SOX13: variants seen among roughly 807,000 people sequenced by gnomAD.
SOX13 encodes the protein SRY-box transcription factor 13, also known as transcription factor SOX-13.
Under a neutral mutation model 71.8 loss-of-function variants are expected in SOX13, and 28 were observed. The observed-to-expected ratio is 0.39, with a 90% CI of 0.29 to 0.53. The LOEUF is 0.53. Among genes scored for constraint, SOX13 ranks in the 20% least tolerant of loss-of-function variants. The probability of loss-of-function intolerance (pLI) is 0.70; values close to 1 mark genes in which losing one functional copy is unlikely to be tolerated. For synonymous variants in SOX13, 309 were observed against 317.8 expected (o/e 0.97, Z 0.29); for missense variants, 627 against 810.3 (o/e 0.77, Z 2.75).
At position 204,122,354 on chromosome 1, in the gene SOX13, G is replaced by C; in HGVS notation, c.979G>C (p.Gly327Arg). 1 of 1,563,756 alleles carries C rather than the reference G, an allele frequency of 6.4e-7. No homozygotes were observed. The highest frequency in any genetic ancestry group is 8.7e-7 in the Non-Finnish European group (1 of 1,153,684). ...TGTGCCCCGCCCCCCCAGCCATGGAGGCCCCACGCGGGACCTGCAGTCCAG... is the reference window on the plus strand; with the variant it reads ...TGTGCCCCGCCCCCCCAGCCATGGACGCCCCACGCGGGACCTGCAGTCCAG... ...SCVPRPPSHG[G>R]PTRDLQSSPP... The change falls in exon 9 of 14, where the codon GGC becomes CGC. Residue 327 changes from glycine (G) to arginine (R), a missense_variant. Physicochemically the swap from Gly to Arg is moderately radical, Grantham distance 125. Coordinates refer to ENST00000367204, the MANE Select transcript of SOX13 (RefSeq NM_005686.3).
At position 204,121,803 on chromosome 1, in the gene SOX13, A is replaced by C. The variant is rs184575336; in HGVS notation, c.776-97A>C. On this transcript the variant is annotated intron_variant, in intron 7 of 13. Coordinates refer to ENST00000367204, the MANE Select transcript of SOX13 (RefSeq NM_005686.3). ...TTGGAACCAAGCTGGTCCAGTGCCG[A>C]GCCATTGCCCATCTTGTGGTGCTGG... The C allele has an allele frequency of 2.3e-4, 192 of 850,700 alleles. No homozygotes were observed. The African/African-American group carries it at 2.7e-3, about 12-fold the overall frequency. The allele number at this position is 850,700 out of a possible 1,614,324, so 52.7% of individuals were successfully genotyped here.
chr1:204,087,200 G>A (rs979923788), intron 1 of SOX13, among the ~76,000 whole-genome samples: 10 of 152,230 alleles, frequency 6.6e-5, no homozygotes, highest in Non-Finnish European at 4.4e-5. Flanking sequence ...GGGATTACAG[G>A]CGTGAGCCAC....
Position 204,123,938 on chromosome 1 carries a change from G to T in SOX13, c.1375+134G>T. ...GGAATCTGACGACAGGGGTGCAGGA[G>T]TTGCTGGGGATGTGAGGGCAGCTGG... is the stretch of plus-strand genomic sequence containing the variant. On this transcript the variant is annotated intron_variant, in intron 12 of 13. Coordinates refer to ENST00000367204, the MANE Select transcript of SOX13 (RefSeq NM_005686.3). This position sits in a 1 kb window ranked among gnomAD's most constrained non-coding sequence, Gnocchi z 5.0. The T allele has an allele frequency of 9.6e-7, 1 of 1,037,594 alleles. No individual in the cohort carries two copies. The highest frequency in any genetic ancestry group is 1.4e-6 in the Non-Finnish European group (1 of 717,648). 64.3% of individuals were successfully genotyped at this position (1,037,594 alleles called of 1,614,324 possible).
intron 7 of SOX13, among the ~76,000 whole-genome samples, chr1:204,121,048 C>T (rs931368914): frequency 4.0e-5 from 6 of 149,596 alleles, no homozygotes; most frequent in Non-Finnish European, 8.9e-5. Flanking sequence ...GGTGCAATCT[C>T]GACTCACTGC....
intron 1 of SOX13, among the ~76,000 whole-genome samples, chr1:204,107,771 G>C (rs1656500479): frequency 6.6e-6 from 1 of 152,210 alleles, no homozygotes; most frequent in Admixed American, 6.5e-5. Flanking sequence ...GCCTTTTCAT[G>C]GACAAGTGGG....
intron 1 of SOX13, among the ~76,000 whole-genome samples, chr1:204,111,181 G>A (rs1342704635): frequency 1.3e-5 from 2 of 152,196 alleles, no homozygotes; most frequent in Admixed American, 6.5e-5. Context: ...ACACCAGATC[G>A]GTGCTTACTG....
intron 1 of SOX13, 101 bp from the exon 2 acceptor site, chr1:204,112,814 G>A: frequency 1.2e-6 from 1 of 863,386 alleles, no homozygotes; most frequent in Non-Finnish European, 1.8e-6. Flanking sequence ...GGCACCAGGA[G>A]GCACTTGGGT....
intron 1 of SOX13, among the ~76,000 whole-genome samples, chr1:204,096,084 A>T (rs1440466335): frequency 6.6e-6 from 1 of 151,866 alleles, no homozygotes; most frequent in Non-Finnish European, 1.5e-5. Flanking sequence ...TGGACACTTG[A>T]GTTGTTTCCC....
At position 204,101,994 on chromosome 1, in the gene SOX13, C is replaced by T. The variant is rs1656369564; in HGVS notation, c.-1-10921C>T. On this transcript the variant is annotated intron_variant, in intron 1 of 13. Transcript: ENST00000367204. ...GGAGGGTCATTTGAGCCCAGGAGTT[C>T]AGGACCAGCCTGGGCAACATGGTGA... Among the ~76,000 whole-genome samples, 3 of 151,934 alleles carry T rather than the reference C, an allele frequency of 2.0e-5. No individual in the cohort carries two copies. In the South Asian group the frequency reaches 6.3e-4, roughly 32 times the overall value.
In SOX13 at chr1:204,123,011, C is replaced by A; in HGVS notation, c.1134+48C>A. 6.7e-7 allele frequency: 1 copy of A among 1,503,536 alleles called. No homozygotes were observed. Among genetic ancestry groups the A allele is most frequent in the Non-Finnish European group, 9.2e-7 (1 of 1,086,360 alleles). 93.1% of individuals were successfully genotyped at this position (1,503,536 alleles called of 1,614,324 possible). ...GCCTAGGGGCAGCAACAGATGGTGG[C>A]CAGGAGTGGAAGACACAGTCTGAGG... On this transcript the variant is annotated intron_variant, in intron 10 of 13. Coordinates refer to ENST00000367204, the MANE Select transcript of SOX13 (RefSeq NM_005686.3). The surrounding 1 kb of genome is among the most constrained non-coding windows in gnomAD (Gnocchi z 5.0).
In SOX13 at chr1:204,124,808, G is replaced by A. The variant is rs974990064; in HGVS notation, c.1543G>A (p.Ala515Thr). Residue 515 changes from alanine (A) to threonine (T), a missense_variant, in exon 13 of 14, where the codon GCC becomes ACC. Physicochemically the swap from Ala to Thr is moderately conservative, Grantham distance 58. This residue lies in a region of SOX13 where 148 missense variants were observed against 192.7 expected (regional missense o/e 0.77). Coordinates refer to ENST00000367204, the MANE Select transcript of SOX13 (RefSeq NM_005686.3). ...GCGGCTGCGCGTGGGAGAGTACAAG[G>A]CCCTGATGAGGACCCGGCGTCAGGA... ...GKRLRVGEYK[A>T]LMRTRRQDAR... 3.1e-6 allele frequency: 5 copies of A among 1,591,102 alleles called. No homozygotes were observed. The highest frequency in any genetic ancestry group is 3.4e-6 in the Non-Finnish European group (4 of 1,169,558).
At chr1:204,124,143 A>AAAAAAT (rs1656870622) in intron 12 of SOX13, among the ~76,000 whole-genome samples, 1 of 152,166 alleles carries the variant, frequency 6.6e-6, no homozygotes, top group African/African-American at 2.4e-5. Context: ...CTGGGCTGTC[A>AAAAAAT]CTAGAAAGAT....
At chr1:204,117,563 G>A (rs1420895028) in intron 6 of SOX13, 30 bp from the exon 7 acceptor site, 1 of 1,448,572 alleles carries the variant, frequency 6.9e-7, no homozygotes, top group Non-Finnish European at 9.6e-7. Context: ...TGGGTCCCTG[G>A]GGACTCACAC....
intron 1 of SOX13, among the ~76,000 whole-genome samples, chr1:204,112,501 G>GCACACACA (rs6143576): frequency 9.7e-4 from 56 of 57,922 alleles, no homozygotes; most frequent in African/African-American, 2.0e-3. Context: ...ACACATGCGT[G>GCACACACA]CACACACACA....
chr1:204,125,566 A>G (rs994873839), intron 13 of SOX13, among the ~76,000 whole-genome samples: 3 of 152,222 alleles, frequency 2.0e-5, no homozygotes, highest in Non-Finnish European at 4.4e-5. Context: ...CTGTCTCTAA[A>G]TATAAGTAAA....
At chr1:204,122,420 A>G (rs1192570186) in intron 9 of SOX13, 21 bp downstream of exon 9, 2 of 1,561,126 alleles carry the variant, frequency 1.3e-6, no homozygotes, top group South Asian at 2.4e-5. Context: ...TGCTGCCTGC[A>G]CTTGTCCCTC....
intron 1 of SOX13, among the ~76,000 whole-genome samples, chr1:204,084,148 C>A (rs914643642): frequency 6.6e-6 from 1 of 152,114 alleles, no homozygotes; most frequent in African/African-American, 2.4e-5. Context: ...AGCTCAGGGG[C>A]CTTATTCAGC....
Position 204,126,208 on chromosome 1 carries a change from A to C in SOX13, c.*74A>C. The stretch of plus-strand genomic sequence containing the variant: ...CCAACTCGATGGGCACAGCCAGCCA[A>C]CCTAAGACTATGTTGGTACTTGGAC... On this transcript the variant is annotated 3_prime_UTR_variant, in exon 14 of 14. Transcript: ENST00000367204. 6.7e-7 allele frequency: 1 copy of C among 1,490,198 alleles called. No individual in the cohort carries two copies. Among genetic ancestry groups the C allele is most frequent in the Non-Finnish European group, 9.2e-7 (1 of 1,089,910 alleles). 92.3% of individuals were successfully genotyped at this position (1,490,198 alleles called of 1,614,324 possible).
intron 1 of SOX13, among the ~76,000 whole-genome samples, chr1:204,108,882 C>G (rs1167176392): frequency 6.6e-6 from 1 of 152,232 alleles, no homozygotes; most frequent in East Asian, 1.9e-4. Context: ...TCTGAAGTTC[C>G]TGAGAGGAAG....
Sources: gnomAD v4.1 joint callset for allele counts (sites outside exome capture counted in the v4.1 genomes callset) on GRCh38, gnomAD v4.1.1 for gene constraint, gnomAD v4.1.1 regional missense constraint, Gnocchi (gnomAD v3.1) non-coding constraint, MANE v1.5 for transcripts, NCBI Gene and HGNC (gene_info 2026-07-23, HGNC 2026-07-21) for gene names.